Variants in CFAP92 observed in about 807,000 individuals in gnomAD.
CFAP92 encodes the protein cilia and flagella associated protein 92 (putative).
In CFAP92, 86 loss-of-function variants were observed where a neutral mutation model predicts 106.3. That is an observed-to-expected ratio of 0.81 (90% CI 0.68 to 0.97). The LOEUF is 0.97. CFAP92 is among the 50% of genes least tolerant of loss of function. The pLI is 0.00. For missense variants in CFAP92, 1,204 were observed against 1,283.8 expected, an observed-to-expected ratio of 0.94 and a Z score of 0.95; for synonymous variants, 477 against 506.4, an observed-to-expected ratio of 0.94 and a Z score of 0.78.
intron 1 of CFAP92, chr3:129,001,524 C>T (rs530314755): frequency 2.3e-6 from 3 of 1,331,826 alleles, no homozygotes; most frequent in Non-Finnish European, 1.9e-6. Context: ...AACCAGACCG[C>T]GACCGCTAAG....
intron 12 of CFAP92, among the ~76,000 whole-genome samples, chr3:128,922,666 C>T (rs62265274): frequency 0.048 from 7,268 of 152,292 alleles, 357 homozygotes; most frequent in African/African-American, 0.12. Context: ...ATGGGTATCA[C>T]TGGCATAGGG....
rs189838552 is a variant in CFAP92, at chr3:128,971,288, G to A, written c.1167C>T (p.Ala389=). The A allele has an allele frequency of 3.5e-5, 56 of 1,613,686 alleles. 1 individual carries two copies. In the East Asian group the frequency reaches 8.2e-4, roughly 24 times the overall value. Residue 389 remains alanine (A), a splice_region_variant and synonymous_variant, in exon 8 of 16, where the codon GCC becomes GCT. Transcript: ENST00000645291. The part of the protein sequence containing the change: ...SIQLAVMPLL[A]GWQTVVSRGS... ...GGGAACAGGGCAAGCAGTGGGTACC[G>A]GCAAGGAGCGGCATGACGGCCAGCT...
chr3:128,936,130 C>G (rs968531948), intron 10 of CFAP92, among the ~76,000 whole-genome samples: 3 of 152,090 alleles, frequency 2.0e-5, no homozygotes, highest in Non-Finnish European at 4.4e-5. Flanking sequence ...GTGGCAATAC[C>G]AGCCTGGCAG....
chr3:129,009,537 G>A, the CFAP92 span, among the ~76,000 whole-genome samples: 2 of 152,170 alleles, frequency 1.3e-5, no homozygotes, highest in African/African-American at 2.4e-5. Flanking sequence ...CATCACAGGG[G>A]CCAGGACAAT....
chr3:128,940,967 A>T (rs867161639), intron 10 of CFAP92, among the ~76,000 whole-genome samples: 3 of 152,180 alleles, frequency 2.0e-5, no homozygotes, highest in Non-Finnish European at 2.9e-5. Flanking sequence ...TGGGATTTTT[A>T]AAACTGGAAG....
chr3:128,981,142 T>G (rs1222608307), intron 4 of CFAP92, among the ~76,000 whole-genome samples: 2 of 150,948 alleles, frequency 1.3e-5, no homozygotes, highest in African/African-American at 4.9e-5. Context: ...GTTCACGCCA[T>G]TCTCCTGCCT....
At chr3:128,917,539 A>C (rs934210509) in intron 12 of CFAP92, among the ~76,000 whole-genome samples, 1 of 152,228 alleles carries the variant, frequency 6.6e-6, no homozygotes, top group Admixed American at 6.5e-5. Flanking sequence ...TGGAGAAGTA[A>C]ATACAGTATT....
chr3:128,917,951 T>G (rs1221863938), intron 12 of CFAP92, among the ~76,000 whole-genome samples: 1 of 152,190 alleles, frequency 6.6e-6, no homozygotes, highest in Non-Finnish European at 1.5e-5. Flanking sequence ...CTTCCAAGCC[T>G]GGGTACACTA....
chr3:128,972,569 G>A (rs1939555546), intron 7 of CFAP92, among the ~76,000 whole-genome samples: 1 of 151,066 alleles, frequency 6.6e-6, no homozygotes, highest in African/African-American at 2.4e-5. Flanking sequence ...AAGAGGTGAT[G>A]TTTCGCCCGA....
chr3:129,005,996 A>G (rs1319480504), upstream of CFAP92, among the ~76,000 whole-genome samples: 1 of 152,292 alleles, frequency 6.6e-6, no homozygotes, highest in Non-Finnish European at 1.5e-5. Context: ...AAACATTGGC[A>G]TAGCCCTTTA....
chr3:128,956,183 TTAAAAAAAAAAA>T (rs1303711488), intron 9 of CFAP92, among the ~76,000 whole-genome samples: 45 of 43,192 alleles, frequency 1.0e-3, no homozygotes, highest in Non-Finnish European at 1.2e-3. Context: ...AAAAAATAAA[TTAAAAAAAAAAA>T]TAAAAAAAAA....
chr3:128,932,814 G>A lies in CFAP92; in HGVS notation c.2637C>T (p.Tyr879=). The A allele has an allele frequency of 6.5e-7, 1 of 1,536,254 alleles. No individual in the cohort carries two copies. Among genetic ancestry groups the A allele is most frequent in the Non-Finnish European group, 8.7e-7 (1 of 1,146,924 alleles). ...PPQPAPNLED[Y]HSRNSTLTLE... is the part of the protein sequence containing the mutation. The stretch of plus-strand genomic sequence containing the variant: ...AGGTGAGGGTGGAGTTCCGACTGTG[G>A]TAGTCCTCAAGATTGGGGGCAGGCT... The change falls in exon 12 of 16, where the codon TAC becomes TAT. Residue 879 remains tyrosine, a synonymous_variant. Transcript: ENST00000645291.
chr3:128,941,163 C>T (rs984721606), intron 10 of CFAP92, among the ~76,000 whole-genome samples: 2 of 152,076 alleles, frequency 1.3e-5, no homozygotes, highest in African/African-American at 4.8e-5. Flanking sequence ...GAATTTCATA[C>T]ATTTTACTTT....
intron 12 of CFAP92, among the ~76,000 whole-genome samples, chr3:128,928,252 C>CA (rs1035598549): frequency 4.0e-5 from 6 of 151,578 alleles, no homozygotes; most frequent in Admixed American, 3.3e-4. Flanking sequence ...GACTCCGTCC[C>CA]AAAAAAAATA....
At chr3:128,950,992 C>T (rs1163329239) in intron 9 of CFAP92, among the ~76,000 whole-genome samples, 1 of 152,094 alleles carries the variant, frequency 6.6e-6, no homozygotes, top group Admixed American at 6.6e-5. Flanking sequence ...TTTTTAAGGA[C>T]GGTAGTCTCA....
chr3:129,019,257 G>GT, the CFAP92 span, among the ~76,000 whole-genome samples: 733 of 152,306 alleles, frequency 4.8e-3, 8 homozygotes, highest in African/African-American at 0.017. Context: ...TGTTTTAATT[G>GT]TATCTTTTAG....
chr3:128,965,364 C>T (rs1942291510), intron 9 of CFAP92, 147 bp downstream of exon 9: 2 of 395,156 alleles, frequency 5.1e-6, no homozygotes, highest in Non-Finnish European at 8.9e-6. Flanking sequence ...TCACACAAAG[C>T]CTGTTTGGTA....
intron 12 of CFAP92, among the ~76,000 whole-genome samples, chr3:128,917,520 A>G (rs956026704): frequency 1.3e-5 from 2 of 152,244 alleles, no homozygotes; most frequent in African/African-American, 4.8e-5. Flanking sequence ...AGCAAAAGTA[A>G]CTAGATGCTG....
chr3:128,949,218 T>TA (rs1403544424), intron 9 of CFAP92, among the ~76,000 whole-genome samples: 8 of 152,214 alleles, frequency 5.3e-5, no homozygotes, highest in African/African-American at 2.4e-5. Context: ...GCATTTACCC[T>TA]AAAGAACTGA....
Sources: gnomAD v4.1 joint callset for allele counts (sites outside exome capture counted in the v4.1 genomes callset) on GRCh38, gnomAD v4.1.1 for gene constraint, MANE v1.5 for transcripts, NCBI Gene and HGNC (gene_info 2026-07-23, HGNC 2026-07-21) for gene names.